SLC44A5: variants seen among roughly 807,000 people sequenced by gnomAD.
SLC44A5 encodes the protein solute carrier family 44 member 5, also known as choline transporter-like protein 5.
A neutral mutation model predicts 101.8 loss-of-function variants in SLC44A5; 57 were observed. The observed-to-expected ratio is 0.56, with a 90% CI of 0.45 to 0.70. The LOEUF is 0.70. Ranked by LOEUF, SLC44A5 falls within the 30% of genes least tolerant of loss-of-function variation. The probability of loss-of-function intolerance (pLI) is 0.00; values close to 1 mark genes in which losing one functional copy is unlikely to be tolerated. For missense variants in SLC44A5, 737 were observed against 853.1 expected, an observed-to-expected ratio of 0.86 and a Z score of 1.70; for synonymous variants, 281 against 290.9, an observed-to-expected ratio of 0.97 and a Z score of 0.35.
chr1:75,491,536 A>G (rs765095689), intron 2 of SLC44A5, among the ~76,000 whole-genome samples: 10 of 152,198 alleles, frequency 6.6e-5, no homozygotes, highest in Non-Finnish European at 1.3e-4. Context: ...ATAAAATCAC[A>G]AAGGTGAGAT....
intron 2 of SLC44A5, among the ~76,000 whole-genome samples, chr1:75,432,138 A>T (rs553529547): frequency 1.3e-5 from 2 of 152,250 alleles, no homozygotes; most frequent in East Asian, 3.9e-4. Flanking sequence ...TCTCTCCTCA[A>T]TTGCTCTAAA....
At chr1:75,266,492 AC>A (rs1651004000) in intron 6 of SLC44A5, among the ~76,000 whole-genome samples, 1 of 152,190 alleles carries the variant, frequency 6.6e-6, no homozygotes, top group Non-Finnish European at 1.5e-5. Flanking sequence ...ACAGCTTAAG[AC>A]TTAGGGTTAG....
At chr1:75,290,389 A>G (rs1653441654) in intron 5 of SLC44A5, among the ~76,000 whole-genome samples, 1 of 152,254 alleles carries the variant, frequency 6.6e-6, no homozygotes, top group Non-Finnish European at 1.5e-5. Context: ...AGGTATGAAC[A>G]GCGTGAAGGG....
chr1:75,234,361 T>A (rs1647878117), intron 11 of SLC44A5, among the ~76,000 whole-genome samples: 2 of 152,104 alleles, frequency 1.3e-5, no homozygotes, highest in African/African-American at 4.8e-5. Flanking sequence ...CAGTCATTGT[T>A]CAAGGAAAAA....
At chr1:75,255,436 T>C (rs1649934668) in intron 6 of SLC44A5, among the ~76,000 whole-genome samples, 4 of 91,398 alleles carry the variant, frequency 4.4e-5, no homozygotes, top group Admixed American at 4.2e-4. Context: ...TAAAATATAA[T>C]TGCCAAAACA....
intron 2 of SLC44A5, among the ~76,000 whole-genome samples, chr1:75,427,009 G>A (rs867789426): frequency 6.6e-6 from 1 of 152,086 alleles, no homozygotes; most frequent in Non-Finnish European, 1.5e-5. Flanking sequence ...GCCTCTTTTT[G>A]GGGCTCATTT....
At chr1:75,633,647 A>G in the SLC44A5 span, among the ~76,000 whole-genome samples, 37,610 of 151,728 alleles carry the variant, frequency 0.25, 5,050 homozygotes, top group Middle Eastern at 0.37. Context: ...TTCTAGATAT[A>G]CAATCATGTC....
At chr1:75,602,729 C>T (rs211691) in intron 1 of SLC44A5, among the ~76,000 whole-genome samples, 145,526 of 152,178 alleles carry the variant, frequency 0.96, 69,616 homozygotes, top group East Asian at 0.97. Context: ...TTTTTCACTT[C>T]GAAAAAAAGT....
At position 75,217,887 on chromosome 1, in the gene SLC44A5, A is replaced by G; in HGVS notation, c.1603T>C (p.Tyr535His). 2 of 1,596,854 alleles carry G rather than the reference A, an allele frequency of 1.3e-6. No homozygotes were observed. Among genetic ancestry groups the G allele is most frequent in the Non-Finnish European group, 1.7e-6 (2 of 1,164,616 alleles). The change falls in exon 18 of 24, where the codon TAC (tyrosine) becomes CAC (histidine). Residue 535 changes from tyrosine to histidine, a missense_variant. Physicochemically the swap from Tyr to His is moderately conservative, Grantham distance 83. Around this residue, in one of 3 missense-constraint regions of SLC44A5, gnomAD observed 665 missense variants for 764.4 expected, o/e 0.87. Coordinates refer to ENST00000370859, the MANE Select transcript of SLC44A5 (RefSeq NM_001130058.2). ...TTACGTTTAAGACGGTGGTCCAAGT[A>G]TTCTAGTACAATTTTAAACATTTGA... ...LIQMFKIVLE[Y>H]LDHRLKRTQN...
chr1:75,646,999 C>A, the SLC44A5 span, among the ~76,000 whole-genome samples: 14,180 of 152,154 alleles, frequency 0.093, 865 homozygotes, highest in East Asian at 0.25. Context: ...AATGAGGAGC[C>A]CAATGTTAAT....
chr1:75,484,918 C>T (rs955543012), intron 2 of SLC44A5, among the ~76,000 whole-genome samples: 10 of 152,220 alleles, frequency 6.6e-5, no homozygotes, highest in African/African-American at 2.4e-4. Flanking sequence ...TGGAGCTGGA[C>T]CAGCCAGGAC....
At position 75,215,525 on chromosome 1, in the gene SLC44A5, TA is replaced by T. The variant is rs1173291465; in HGVS notation, c.1728+228del. ...ACTTATAAGTTTCCAAAGTGTGTAATATTTTTTTCTCTCAAAAAAGATATTG... is the reference window on the plus strand; with the variant it reads ...ACTTATAAGTTTCCAAAGTGTGTAATTTTTTTTCTCTCAAAAAAGATATTG... On this transcript the variant is annotated intron_variant, in intron 19 of 23. Transcript: ENST00000370859. Among the ~76,000 whole-genome samples the T allele has an allele frequency of 5.3e-5, 8 of 152,194 alleles. No homozygotes were observed. The East Asian group carries it at 1.5e-3, about 29-fold the overall frequency.
At chr1:75,518,640 A>G (rs1329498812) in intron 2 of SLC44A5, among the ~76,000 whole-genome samples, 1 of 152,262 alleles carries the variant, frequency 6.6e-6, no homozygotes, top group African/African-American at 2.4e-5. Context: ...GAGTAATGTC[A>G]TTAGAAGTCG....
At chr1:75,514,395 G>T (rs754537731) in intron 2 of SLC44A5, among the ~76,000 whole-genome samples, 1 of 152,166 alleles carries the variant, frequency 6.6e-6, no homozygotes, top group Non-Finnish European at 1.5e-5. Context: ...TTCCAGATGA[G>T]TCAGTGCGGT....
At chr1:75,354,456 T>C (rs1202603543) in intron 3 of SLC44A5, among the ~76,000 whole-genome samples, 2 of 152,218 alleles carry the variant, frequency 1.3e-5, no homozygotes, top group African/African-American at 4.8e-5. Context: ...AGCCATATGT[T>C]TCTCATTCAC....
At chr1:75,267,332 T>C (rs1651079952) in intron 6 of SLC44A5, among the ~76,000 whole-genome samples, 1 of 152,184 alleles carries the variant, frequency 6.6e-6, no homozygotes, top group African/African-American at 2.4e-5. Context: ...TATCTGGTTT[T>C]TTTTTCTTTT....
the SLC44A5 span, among the ~76,000 whole-genome samples, chr1:75,679,978 A>G: frequency 6.6e-6 from 1 of 152,214 alleles, no homozygotes; most frequent in African/African-American, 2.4e-5. Context: ...CTCTGATAAA[A>G]AAGACTTTAA....
At chr1:75,258,283 T>A (rs1236580479) in intron 6 of SLC44A5, among the ~76,000 whole-genome samples, 6 of 151,998 alleles carry the variant, frequency 3.9e-5, no homozygotes, top group Non-Finnish European at 8.8e-5. Context: ...AAAGCTAAGA[T>A]CCACTGGCTT....
chr1:75,658,148 C>T, the SLC44A5 span, among the ~76,000 whole-genome samples: 3 of 152,106 alleles, frequency 2.0e-5, no homozygotes, highest in Non-Finnish European at 4.4e-5. Context: ...CAACACAGCT[C>T]ACTGCAGCCT....
Sources: allele counts gnomAD v4.1 joint callset (sites outside exome capture counted in the v4.1 genomes callset), GRCh38; gene constraint gnomAD v4.1.1; regional missense constraint gnomAD v4.1.1; transcripts MANE v1.5; gene names NCBI Gene and HGNC (gene_info 2026-07-23, HGNC 2026-07-21).